MYO5B: variants seen among roughly 807,000 people sequenced by gnomAD.
MYO5B encodes unconventional myosin-Vb.
Under a neutral mutation model 229.3 loss-of-function variants are expected in MYO5B, and 143 were observed. The ratio of observed to expected loss-of-function variants is 0.62; its 90% CI spans 0.54 to 0.72. The LOEUF (loss-of-function observed/expected upper bound fraction) is 0.72, where lower values mean the gene tolerates loss of function less well. Among genes scored for constraint, MYO5B ranks in the 30% least tolerant of loss-of-function variants. The pLI is 0.00. For synonymous variants in MYO5B, 918 were observed against 885.2 expected, an observed-to-expected ratio of 1.04 and a Z score of -0.66; for missense variants, 2,321 against 2,331.0, an observed-to-expected ratio of 1.00 and a Z score of 0.09.
chr18:49,966,907 G>T (rs1027783427), intron 10 of MYO5B, among the ~76,000 whole-genome samples: 1 of 152,194 alleles, frequency 6.6e-6, no homozygotes, highest in African/African-American at 2.4e-5. Flanking sequence ...GGGAGATTGG[G>T]TAACTTTTCC....
intron 14 of MYO5B, among the ~76,000 whole-genome samples, chr18:49,949,563 G>C (rs997571825): frequency 6.6e-6 from 1 of 152,036 alleles, no homozygotes; most frequent in Non-Finnish European, 1.5e-5. Context: ...GGAGTTCTTC[G>C]AACATCCCTT....
chr18:49,888,412 G>A (rs1479139882), intron 22 of MYO5B, among the ~76,000 whole-genome samples: 1 of 152,180 alleles, frequency 6.6e-6, no homozygotes, highest in African/African-American at 2.4e-5. Flanking sequence ...GGCTTCACAA[G>A]AGGTGGGGGT....
intron 1 of MYO5B, among the ~76,000 whole-genome samples, chr18:50,181,448 T>G (rs556462609): frequency 7.9e-5 from 12 of 152,310 alleles, no homozygotes; most frequent in African/African-American, 2.6e-4. Context: ...CAGTCCACAA[T>G]AGCAAGATAG....
At chr18:49,862,904 C>A (rs534829813) in intron 29 of MYO5B, among the ~76,000 whole-genome samples, 1 of 130,304 alleles carries the variant, frequency 7.7e-6, no homozygotes, top group African/African-American at 2.8e-5. Context: ...CCCCCACCCC[C>A]CTCCCCAGCC....
intron 5 of MYO5B, among the ~76,000 whole-genome samples, chr18:49,996,358 G>A (rs183448580): frequency 1.7e-4 from 26 of 152,214 alleles, no homozygotes; most frequent in Admixed American, 1.6e-3. Context: ...AATTCAAGTA[G>A]GCAAGAATGT....
chr18:49,982,298 T>C (rs1475331010), intron 8 of MYO5B, among the ~76,000 whole-genome samples: 1 of 152,146 alleles, frequency 6.6e-6, no homozygotes, highest in Non-Finnish European at 1.5e-5. Context: ...GTTCAAGCAA[T>C]CCTCCTGCTT....
rs1192671091 is a variant in MYO5B at position 49,849,545 on chromosome 18, ACACT to A, written c.4315+18_4315+21del. The A allele has an allele frequency of 5.1e-6, 8 of 1,555,500 alleles. No individual in the cohort carries two copies. Among genetic ancestry groups the A allele is most frequent in the Admixed American group, 1.7e-5 (1 of 59,920 alleles). ...CAAGTATACCTGTGATTCACAAAAC[ACACT>A]CACTCACACCCCCCTACCTTCTAGG... On this transcript the variant is annotated intron_variant, in intron 32 of 39. Transcript: ENST00000285039.
intron 1 of MYO5B, among the ~76,000 whole-genome samples, chr18:50,094,527 T>A (rs1464059485): frequency 6.6e-6 from 1 of 152,198 alleles, no homozygotes; most frequent in Non-Finnish European, 1.5e-5. Context: ...AAAGGAGTAG[T>A]TCATTCTCAA....
intron 33 of MYO5B, among the ~76,000 whole-genome samples, chr18:49,846,031 G>A (rs1018094094): frequency 2.0e-5 from 3 of 152,210 alleles, no homozygotes; most frequent in East Asian, 1.9e-4. Context: ...AGCTGGGGAA[G>A]GAATTCTGAG....
chr18:50,176,513 C>T lies in MYO5B; in HGVS notation c.27+18254G>A, dbSNP rs146297927. ...TGTACCCAAGCTGTAAAAATAGTTGCCACTGTTACTTAGTCCTCTTCAAAG... is the reference window on the plus strand; with the variant it reads ...TGTACCCAAGCTGTAAAAATAGTTGTCACTGTTACTTAGTCCTCTTCAAAG... On this transcript the variant is annotated intron_variant, in intron 1 of 39. Transcript: ENST00000285039. 2.6e-5 allele frequency among the ~76,000 whole-genome samples: 4 copies of T among 152,230 alleles called. No homozygotes were observed. In the East Asian group the frequency reaches 7.7e-4, roughly 29 times the overall value.
rs201477490 is a variant in MYO5B at position 49,836,682 on chromosome 18, A to G, written c.5313+29T>C. ...GGACTCAGGGCTTCCTTGGAATACC[A>G]TGTTGACAGAGGTGCAAAGTGACTG... On this transcript the variant is annotated intron_variant, in intron 38 of 39. Transcript: ENST00000285039. 1.6e-5 allele frequency: 26 copies of G among 1,613,526 alleles called. No individual in the cohort carries two copies. The East Asian group carries it at 3.3e-4, about 21-fold the overall frequency.
At chr18:49,923,088 G>C (rs899498594) in intron 17 of MYO5B, among the ~76,000 whole-genome samples, 1 of 152,118 alleles carries the variant, frequency 6.6e-6, no homozygotes, top group Non-Finnish European at 1.5e-5. Flanking sequence ...GTAGGAACAG[G>C]GCAGTGAGCG....
intron 1 of MYO5B, among the ~76,000 whole-genome samples, chr18:50,157,899 G>C (rs769291570): frequency 6.6e-6 from 1 of 152,174 alleles, no homozygotes; most frequent in African/African-American, 2.4e-5. Flanking sequence ...AAAAACAATT[G>C]AGAATATTTT....
intron 14 of MYO5B, among the ~76,000 whole-genome samples, chr18:49,944,717 C>T (rs541018594): frequency 6.6e-6 from 1 of 152,268 alleles, no homozygotes; most frequent in South Asian, 2.1e-4. Context: ...CACTCCATCC[C>T]CTGGCTTCTA....
At chr18:50,105,583 G>T (rs892232492) in intron 1 of MYO5B, among the ~76,000 whole-genome samples, 5 of 152,000 alleles carry the variant, frequency 3.3e-5, no homozygotes, top group African/African-American at 1.2e-4. Context: ...CAGGTCAGTG[G>T]TTGCCAGGTT....
intron 35 of MYO5B, among the ~76,000 whole-genome samples, chr18:49,840,819 T>G (rs2032459578): frequency 6.6e-6 from 1 of 152,168 alleles, no homozygotes; most frequent in South Asian, 2.1e-4. Context: ...GTGATGGGGT[T>G]AGTAGTTGGG....
intron 38 of MYO5B, among the ~76,000 whole-genome samples, chr18:49,836,067 G>A (rs542271179): frequency 6.6e-6 from 1 of 152,328 alleles, no homozygotes; most frequent in African/African-American, 2.4e-5. Flanking sequence ...AGTAAGCAGA[G>A]GAGGTAAGGA....
At chr18:50,082,311 A>T (rs1351697720) in intron 1 of MYO5B, among the ~76,000 whole-genome samples, 2 of 152,252 alleles carry the variant, frequency 1.3e-5, no homozygotes, top group Non-Finnish European at 2.9e-5. Flanking sequence ...TATGAATATT[A>T]TAAGCTCAAG....
rs2025131740 is a variant in MYO5B at position 49,926,666 on chromosome 18, G to C, written c.2090+2846C>G. Among the ~76,000 whole-genome samples the C allele has an allele frequency of 2.6e-5, 4 of 152,250 alleles. No individual in the cohort carries two copies. The South Asian group carries it at 8.3e-4, about 31-fold the overall frequency. On this transcript the variant is annotated intron_variant, in intron 17 of 39. Transcript: ENST00000285039. ...CATAGCTCCAACAAGCTCTGGACTGGTTCAGTGGCTTATCCGCAAGGCAAA... is the reference window on the plus strand; with the variant it reads ...CATAGCTCCAACAAGCTCTGGACTGCTTCAGTGGCTTATCCGCAAGGCAAA...
Sources: gnomAD v4.1 joint callset for allele counts (sites outside exome capture counted in the v4.1 genomes callset) on GRCh38, gnomAD v4.1.1 for gene constraint, MANE v1.5 for transcripts, NCBI Gene and HGNC (gene_info 2026-07-23, HGNC 2026-07-21) for gene names.